C1QL3: variants seen among roughly 807,000 people sequenced by gnomAD.
C1QL3 encodes complement C1q-like protein 3.
C1QL3 carries 4 observed loss-of-function variants against 16.6 expected under a neutral mutation model. That is an observed-to-expected ratio of 0.24 (90% confidence interval 0.12 to 0.55). C1QL3 has a LOEUF of 0.55. C1QL3 is among the 20% of genes least tolerant of loss of function. The pLI is 0.94. For synonymous variants in C1QL3, 189 were observed against 160.2 expected (o/e 1.18, Z -1.36); for missense variants, 269 against 365.6 (o/e 0.74, Z 2.16).
chr10:16,521,123 C>A lies in C1QL3; in HGVS notation c.-58G>T. 6.9e-7 allele frequency: 1 copy of A among 1,453,438 alleles called. No homozygotes were observed. Among genetic ancestry groups the A allele is most frequent in the Non-Finnish European group, 9.4e-7 (1 of 1,069,172 alleles). 90.0% of individuals were successfully genotyped at this position (1,453,438 alleles called of 1,614,324 possible). A position where few individuals can be genotyped will look rare whatever the true frequency, so the allele number is the denominator to read the frequency against. ...GCCTCCTGCTGCCCACCAGCCGGCT[C>A]AGCGCGGGGCGATCCTCTTGTCTGC... On this transcript the variant is annotated 5_prime_UTR_variant, in exon 1 of 2. Transcript: ENST00000298943.
Position 16,515,000 on chromosome 10 carries a change from C to A in C1QL3, c.589-293G>T, listed in dbSNP as rs139836285. ...CAATTTATTATCTTCCTGTATCACT[C>A]GTTTTTCTAACTCCTTCGATCCCTA... On this transcript the variant is annotated intron_variant, in intron 1 of 1. Transcript: ENST00000298943. Among the ~76,000 whole-genome samples the A allele has an allele frequency of 2.0e-5, 3 of 152,216 alleles. No homozygotes were observed. In the South Asian group the frequency reaches 6.2e-4, roughly 32 times the overall value.
At position 16,520,714 on chromosome 10, in the gene C1QL3, C is replaced by T. The variant is rs1303538761; in HGVS notation, c.352G>A (p.Ala118Thr). ...PGLNAAGAIS[A>T]ATYSTVPKIA... is the part of the protein sequence containing the mutation. ...TTGGGCACCGTGCTGTAGGTGGCGG[C>T]GCTGATGGCCCCGGCCGCGTTCAGG... Residue 118 changes from alanine (A) to threonine (T), a missense_variant, in exon 1 of 2, where the codon GCC becomes ACC. Around this residue, in one of 2 missense-constraint regions of C1QL3, gnomAD observed 246 missense variants for 297.2 expected, o/e 0.83. Coordinates refer to ENST00000298943, the MANE Select transcript of C1QL3 (RefSeq NM_001010908.2). The surrounding 1 kb of genome is among the most constrained non-coding windows in gnomAD (Gnocchi z 8.3). 1.9e-6 allele frequency: 3 copies of T among 1,561,052 alleles called. No homozygotes were observed. The highest frequency in any genetic ancestry group is 1.2e-5 in the South Asian group (1 of 85,338).
chr10:16,520,512 G>T lies in C1QL3; in HGVS notation c.554C>A (p.Thr185Asn), dbSNP rs1398039571. 2 of 1,610,792 alleles carry T rather than the reference G, an allele frequency of 1.2e-6. No individual in the cohort carries two copies. Among genetic ancestry groups the T allele is most frequent in the Non-Finnish European group, 1.7e-6 (2 of 1,178,472 alleles). ...TTTGCAGAGATCAGCCCACATGCTG[G>T]TGCCGTCCCCTCCGCGCATCAGGAC... ...YHVLMRGGDG[T>N]SMWADLCKNN... Residue 185 changes from threonine to asparagine, a missense_variant, in exon 1 of 2, where the codon ACC (threonine) becomes AAC (asparagine). Thr to Asn is a moderately conservative substitution (Grantham distance 65). Around this residue, in one of 2 missense-constraint regions of C1QL3, gnomAD observed 246 missense variants for 297.2 expected, o/e 0.83. Transcript: ENST00000298943. The surrounding 1 kb of genome is among the most constrained non-coding windows in gnomAD (Gnocchi z 8.3).
At position 16,520,946 on chromosome 10, in the gene C1QL3, C is replaced by T. The variant is rs926228779; in HGVS notation, c.120G>A (p.Ala40=). ...GGTCGGGCGTGGCAGCGGTGCTGGGCGCCTTGGTGCCCCCGTAGGGGTCGC... is the reference window on the plus strand; with the variant it reads ...GGTCGGGCGTGGCAGCGGTGCTGGGTGCCTTGGTGCCCCCGTAGGGGTCGC... ...MVCDPYGGTK[A]PSTAATPDRG... The change falls in exon 1 of 2, where the codon GCG becomes GCA. Residue 40 remains alanine (A), a synonymous_variant. Coordinates refer to ENST00000298943, the MANE Select transcript of C1QL3 (RefSeq NM_001010908.2). This position sits in a 1 kb window ranked among gnomAD's most constrained non-coding sequence, Gnocchi z 8.3. 1.1e-5 allele frequency: 18 copies of T among 1,573,782 alleles called. No homozygotes were observed. The highest frequency in any genetic ancestry group is 1.4e-5 in the Non-Finnish European group (16 of 1,168,242).
rs1160392755 is a variant in C1QL3 at position 16,516,871 on chromosome 10, A to G, written c.589-2164T>C. Among the ~76,000 whole-genome samples, 8 of 152,282 alleles carry G rather than the reference A, an allele frequency of 5.3e-5. No homozygotes were observed. The East Asian group carries it at 1.5e-3, about 29-fold the overall frequency. On this transcript the variant is annotated intron_variant, in intron 1 of 1. Transcript: ENST00000298943. ...ATCAAGCCAGTGTGGTTGCTTTTTAATGAATGTAATTCTGTAAGATTTTAA... is the reference window on the plus strand; with the variant it reads ...ATCAAGCCAGTGTGGTTGCTTTTTAGTGAATGTAATTCTGTAAGATTTTAA...
Position 16,514,576 on chromosome 10 carries a change from G to A in C1QL3, c.720C>T (p.Asn240=). The change falls in exon 2 of 2, where the codon AAC becomes AAT. Residue 240 remains asparagine, a synonymous_variant. Transcript: ENST00000298943. ...CAGAAAACGTGCTGTATTTGTTGTT[G>A]TTTCCTCCATGGGCTTTCCCGCCAT... ...KLDGGKAHGG[N]NNKYSTFSGF... The A allele has an allele frequency of 6.2e-7, 1 of 1,613,838 alleles. No homozygotes were observed.
In C1QL3 at chr10:16,513,863, T is replaced by A. The variant is rs4748302; in HGVS notation, c.*665A>T. On this transcript the variant is annotated 3_prime_UTR_variant, in exon 2 of 2. Transcript: ENST00000298943. ...ATGATACACTGTCAATCTCTATTTT[T>A]AAAGACTATCACCAGAAAAGAGAGA... 0.6 allele frequency: 91,492 copies of A among 153,478 alleles called. 28,141 individuals are homozygous for A. The highest frequency in any genetic ancestry group is 0.75 in the African/African-American group (31,198 of 41,526). The allele number at this position is 153,478 out of a possible 1,614,324, so 9.5% of individuals were successfully genotyped here.
At chr10:16,518,303 G>C (rs1836984479) in intron 1 of C1QL3, among the ~76,000 whole-genome samples, 1 of 152,128 alleles carries the variant, frequency 6.6e-6, no homozygotes, top group South Asian at 2.1e-4. Flanking sequence ...TTCCAAAATA[G>C]TCCACACTGA....
In C1QL3 at chr10:16,521,461, C is replaced by A. The variant is rs534872646; in HGVS notation, c.-396G>T. On this transcript the variant is annotated 5_prime_UTR_variant, in exon 1 of 2. Transcript: ENST00000298943. ...AGCCAGCCGCCGCCTCCTGAGCTCG[C>A]CCGGGCAGCTCACACTTTTATGCCG... 77 of 168,808 alleles carry A rather than the reference C, an allele frequency of 4.6e-4. No homozygotes were observed. The highest frequency in any genetic ancestry group is 1.8e-3 in the African/African-American group (75 of 42,156). 10.5% of individuals were successfully genotyped at this position (168,808 alleles called of 1,614,324 possible). A position where few individuals can be genotyped will look rare whatever the true frequency, so the allele number is the denominator to read the frequency against.
intron 1 of C1QL3, among the ~76,000 whole-genome samples, chr10:16,517,326 C>A (rs1836966611): frequency 6.6e-6 from 1 of 152,170 alleles, no homozygotes. Context: ...TAAGCGAATA[C>A]CAACCCACAA....
Position 16,521,365 on chromosome 10 carries a change from G to T in C1QL3, c.-300C>A. 2 of 275,530 alleles carry T rather than the reference G, an allele frequency of 7.3e-6. No homozygotes were observed. The highest frequency in any genetic ancestry group is 1.3e-5 in the Non-Finnish European group (2 of 148,548). 17.1% of individuals were successfully genotyped at this position (275,530 alleles called of 1,614,324 possible). On this transcript the variant is annotated 5_prime_UTR_variant, in exon 1 of 2. Transcript: ENST00000298943. ...GGGCCGGGGGAGGGGTGCGCGGGGCGCCCTCGCCCCCCGCGAGCTCCTTCG... is the reference window on the plus strand; with the variant it reads ...GGGCCGGGGGAGGGGTGCGCGGGGCTCCCTCGCCCCCCGCGAGCTCCTTCG...
intron 1 of C1QL3, among the ~76,000 whole-genome samples, chr10:16,519,639 G>T (rs1837008071): frequency 6.6e-6 from 1 of 152,120 alleles, no homozygotes; most frequent in Non-Finnish European, 1.5e-5. Flanking sequence ...CCGGCTCAGG[G>T]AATCAAATCC....
rs1441749716 is a variant in C1QL3 at position 16,520,206 on chromosome 10, C to T, written c.588+272G>A. Among the ~76,000 whole-genome samples the T allele has an allele frequency of 1.3e-5, 2 of 152,170 alleles. No homozygotes were observed. Among genetic ancestry groups the T allele is most frequent in the South Asian group, 2.1e-4 (1 of 4,834 alleles). ...TCCCCGGGACCCAGCTCCCGGCTTC[C>T]CGCCCCTCGAGGGTCGCGCTCGCAG... On this transcript the variant is annotated intron_variant, in intron 1 of 1. Coordinates refer to ENST00000298943, the MANE Select transcript of C1QL3 (RefSeq NM_001010908.2). The surrounding 1 kb of genome is among the most constrained non-coding windows in gnomAD (Gnocchi z 8.3).
intron 1 of C1QL3, among the ~76,000 whole-genome samples, chr10:16,515,247 C>A (rs532740653): frequency 6.6e-6 from 1 of 151,138 alleles, no homozygotes; most frequent in African/African-American, 2.4e-5. Context: ...AAGAAAAAGT[C>A]TTTTGATTTA....
At position 16,514,463 on chromosome 10, in the gene C1QL3, T is replaced by A. The variant is rs528773119; in HGVS notation, c.*65A>T. The A allele has an allele frequency of 1.3e-5, 18 of 1,413,578 alleles. No individual in the cohort carries two copies. In the South Asian group the frequency reaches 2.1e-4, roughly 16 times the overall value. The allele number at this position is 1,413,578 out of a possible 1,614,324, so 87.6% of individuals were successfully genotyped here. ...ATTGGCATCCCCTGGGATCCTTGAT[T>A]CACTGACGTTAGCCATACGAATCCA... On this transcript the variant is annotated 3_prime_UTR_variant, in exon 2 of 2. Transcript: ENST00000298943.
At chr10:16,518,757 T>C (rs906328799) in intron 1 of C1QL3, among the ~76,000 whole-genome samples, 1 of 152,182 alleles carries the variant, frequency 6.6e-6, no homozygotes, top group African/African-American at 2.4e-5. Context: ...AAATCATCTC[T>C]TCAGCCCGAT....
At position 16,520,658 on chromosome 10, in the gene C1QL3, C is replaced by T. The variant is rs199737963; in HGVS notation, c.408G>A (p.Gln136=). The T allele has an allele frequency of 1.9e-6, 3 of 1,610,498 alleles. No homozygotes were observed. In the African/African-American group the frequency reaches 4.0e-5, roughly 22 times the overall value. Residue 136 remains glutamine (Q), a synonymous_variant, in exon 1 of 2, where the codon CAG becomes CAA. Coordinates refer to ENST00000298943, the MANE Select transcript of C1QL3 (RefSeq NM_001010908.2). The surrounding 1 kb of genome is among the most constrained non-coding windows in gnomAD (Gnocchi z 8.3). ...ACTTGAGCACCTCGTAGCCTTCATG[C>T]TGCCGCTTGAGGCCGGCGTAGAAGG... ...KIAFYAGLKR[Q]HEGYEVLKFD...
rs1335886472 is a variant in C1QL3 at position 16,521,377 on chromosome 10, C to G, written c.-312G>C. On this transcript the variant is annotated 5_prime_UTR_variant, in exon 1 of 2. Coordinates refer to ENST00000298943, the MANE Select transcript of C1QL3 (RefSeq NM_001010908.2). ...GGGTGCGCGGGGCGCCCTCGCCCCC[C>G]GCGAGCTCCTTCGCACCTGTGGCTG... 4.1e-6 allele frequency: 1 copy of G among 242,252 alleles called. No homozygotes were observed. Among genetic ancestry groups the G allele is most frequent in the Non-Finnish European group, 7.9e-6 (1 of 127,176 alleles). The allele number at this position is 242,252 out of a possible 1,614,324, so 15.0% of individuals were successfully genotyped here.
chr10:16,521,178 G>T lies in C1QL3; in HGVS notation c.-113C>A. The T allele has an allele frequency of 1.9e-6, 2 of 1,049,992 alleles. No homozygotes were observed. Among genetic ancestry groups the T allele is most frequent in the Non-Finnish European group, 1.4e-6 (1 of 727,748 alleles). 65.0% of individuals were successfully genotyped at this position (1,049,992 alleles called of 1,614,324 possible). On this transcript the variant is annotated 5_prime_UTR_variant, in exon 1 of 2. Transcript: ENST00000298943. ...GGACAGAATTTTGAAGGTTGGGCGG[G>T]GACCTCTTCAGAGCCGAAAACAACC...
Sources: allele counts gnomAD v4.1 joint callset (sites outside exome capture counted in the v4.1 genomes callset), GRCh38; gene constraint gnomAD v4.1.1; regional missense constraint gnomAD v4.1.1; non-coding constraint Gnocchi (gnomAD v3.1); transcripts MANE v1.5; gene names NCBI Gene and HGNC (gene_info 2026-07-23, HGNC 2026-07-21).